The following RUVBL1 variants were observed in gnomAD, a reference collection of about 807,000 sequenced individuals.
The protein encoded by RUVBL1 is ruvB-like 1.
In RUVBL1, 4 loss-of-function variants were observed where a neutral mutation model predicts 52.4. The ratio of observed to expected loss-of-function variants is 0.08; its 90% CI spans 0.04 to 0.17. RUVBL1 has a LOEUF of 0.17. Ranked by LOEUF, RUVBL1 falls within the 10% of genes least tolerant of loss-of-function variation. The pLI is 1.00. For synonymous variants in RUVBL1, 217 were observed against 214.4 expected (o/e 1.01, Z -0.10); for missense variants, 298 against 572.8 (o/e 0.52, Z 4.90).
chr3:128,081,255 T>A lies in RUVBL1; in HGVS notation c.1366A>T (p.Lys456Ter). 6.2e-7 allele frequency: 1 copy of A among 1,613,950 alleles called. No individual in the cohort carries two copies. The highest frequency in any genetic ancestry group is 8.5e-7 in the Non-Finnish European group (1 of 1,179,886). The change falls in exon 11 of 11, where the codon AAG becomes TAG. Residue 456 changes from lysine (K) to a stop codon, truncating the protein, a stop_gained. Coordinates refer to ENST00000322623, the MANE Select transcript of RUVBL1 (RefSeq NM_003707.3). LOFTEE classifies it high-confidence loss of function. The surrounding 1 kb of genome is among the most constrained non-coding windows in gnomAD (Gnocchi z 4.8). ...TGCTGAAAACCTCAGCCATCTCACT[T>A]CATGTACTTATCCTGCTGGTCAGCC... ...ILADQQDKYM[K>*]
chr3:128,146,139 G>A (rs1230102385), intron 1 of RUVBL1, among the ~76,000 whole-genome samples: 2 of 152,194 alleles, frequency 1.3e-5, no homozygotes, highest in African/African-American at 2.4e-5. Context: ...TGGAGGAGGT[G>A]AGGGGTGAGC....
At chr3:128,135,891 C>T (rs1943940942) in intron 1 of RUVBL1, among the ~76,000 whole-genome samples, 1 of 152,116 alleles carries the variant, frequency 6.6e-6, no homozygotes, top group South Asian at 2.1e-4. Context: ...ATAATAACTA[C>T]AATAACTTTT....
rs1559798886 is a variant in RUVBL1 at position 128,067,370 on chromosome 3, C to G, written c.940-2150G>C. The G allele has an allele frequency of 6.4e-7, 1 of 1,561,702 alleles. No homozygotes were observed. The highest frequency in any genetic ancestry group is 8.7e-7 in the Non-Finnish European group (1 of 1,151,898). ...GCTCAGAACTATTTTTGCCTTGATG[C>G]TAAAGTAAAATGAAGGAGCACTCAC... On this transcript the variant is annotated intron_variant, in intron 9 of 9. Transcript: ENST00000464873. This position sits in a 1 kb window ranked among gnomAD's most constrained non-coding sequence, Gnocchi z 4.1.
chr3:128,127,802 GC>G (rs1434894196), upstream of RUVBL1, among the ~76,000 whole-genome samples: 3 of 152,166 alleles, frequency 2.0e-5, no homozygotes, highest in Admixed American at 2.0e-4. Flanking sequence ...TTCGAGACCA[GC>G]CTGGCCAACA....
chr3:128,140,590 T>C (rs1189328041), intron 1 of RUVBL1, among the ~76,000 whole-genome samples: 4 of 152,156 alleles, frequency 2.6e-5, no homozygotes, highest in Admixed American at 2.6e-4. Context: ...ATTGCCTTTT[T>C]AGTTTTCTTT....
At chr3:128,088,883 A>C (rs1342572643) in intron 8 of RUVBL1, among the ~76,000 whole-genome samples, 2 of 152,142 alleles carry the variant, frequency 1.3e-5, no homozygotes, top group African/African-American at 4.8e-5. Context: ...ATTTTTATTG[A>C]TATTTTGATA....
chr3:128,153,334 C>T (rs1437078142), exon 1 of RUVBL1: 7 of 1,372,326 alleles, frequency 5.1e-6, no homozygotes, highest in African/African-American at 1.5e-5. Flanking sequence ...ACCACCCACT[C>T]GGAGCACGGC....
At chr3:128,144,632 C>T (rs370954853) in intron 1 of RUVBL1, among the ~76,000 whole-genome samples, 2 of 152,156 alleles carry the variant, frequency 1.3e-5, no homozygotes, top group Admixed American at 1.3e-4. Flanking sequence ...CCAGGGCTAT[C>T]AAAGATATGC....
chr3:128,100,985 T>C (rs955414473), intron 5 of RUVBL1, among the ~76,000 whole-genome samples: 4 of 152,230 alleles, frequency 2.6e-5, no homozygotes, highest in Admixed American at 2.0e-4. Flanking sequence ...TTTTCCCTTC[T>C]TTCTTTTAAC....
chr3:128,083,982 G>T (rs1036779105), intron 9 of RUVBL1: 24 of 152,382 alleles, frequency 1.6e-4, no homozygotes, highest in Admixed American at 4.6e-4. Context: ...GGAGGCTGAG[G>T]CAGGAGAATT....
chr3:128,136,745 G>T (rs1051382264), intron 1 of RUVBL1, among the ~76,000 whole-genome samples: 1 of 150,926 alleles, frequency 6.6e-6, no homozygotes, highest in Non-Finnish European at 1.5e-5. Context: ...AACCAAAAAA[G>T]AGCAGGAGTA....
intron 1 of RUVBL1, among the ~76,000 whole-genome samples, chr3:128,121,353 C>T (rs977995383): frequency 1.3e-5 from 2 of 151,602 alleles, no homozygotes; most frequent in African/African-American, 2.4e-5. Context: ...GCCTTGGCCT[C>T]CCAAAGTGCT....
At chr3:128,152,447 A>T (rs995662702) in intron 1 of RUVBL1, among the ~76,000 whole-genome samples, 2 of 152,194 alleles carry the variant, frequency 1.3e-5, no homozygotes, top group Non-Finnish European at 2.9e-5. Flanking sequence ...ACCCACAGTT[A>T]GGTAGCTGTC....
upstream of RUVBL1, chr3:128,123,983 C>G: frequency 1.1e-6 from 1 of 918,496 alleles, no homozygotes; most frequent in Admixed American, 6.2e-5. Flanking sequence ...CGCTTCCTGC[C>G]GAGGCTGGGG....
chr3:128,065,275 T>C lies in RUVBL1; in HGVS notation c.940-55A>G, dbSNP rs13070488. ...TTCTAACGTAAGTGAAATCATGTTCTTCTGGGTTGGGCCTATCGACAGGTA... is the reference window on the plus strand; with the variant it reads ...TTCTAACGTAAGTGAAATCATGTTCCTCTGGGTTGGGCCTATCGACAGGTA... On this transcript the variant is annotated intron_variant, in intron 9 of 9. Coordinates refer to the RUVBL1 transcript ENST00000464873. 142,560 of 615,992 alleles carry C rather than the reference T, an allele frequency of 0.23. 17,426 individuals carry two copies. Among genetic ancestry groups the C allele is most frequent in the South Asian group, 0.26 (13,934 of 52,594 alleles). The allele number at this position is 615,992 out of a possible 1,614,324, so 38.2% of individuals were successfully genotyped here.
upstream of RUVBL1, chr3:128,123,888 C>T (rs1023418700): frequency 2.4e-6 from 3 of 1,265,030 alleles, no homozygotes; most frequent in African/African-American, 4.6e-5. Context: ...TCCATAGGCT[C>T]ACGGCTGCGC....
rs138439658 is a variant in RUVBL1 at position 128,093,166 on chromosome 3, A to G, written c.1016+4134T>C. ...TAAATATTCCATATAATAGAATACT[A>G]TTCAGCTGGAAAAAGAAATAAGTAC... is the stretch of plus-strand genomic sequence containing the variant. On this transcript the variant is annotated intron_variant, in intron 8 of 10. Coordinates refer to ENST00000322623, the MANE Select transcript of RUVBL1 (RefSeq NM_003707.3). Among the ~76,000 whole-genome samples the G allele has an allele frequency of 1.6e-3, 246 of 152,384 alleles. 1 individual carries two copies. Among genetic ancestry groups the G allele is most frequent in the African/African-American group, 5.5e-3 (228 of 41,596 alleles).
At chr3:128,145,634 G>C (rs1576491699) in intron 1 of RUVBL1, among the ~76,000 whole-genome samples, 1 of 152,056 alleles carries the variant, frequency 6.6e-6, no homozygotes, top group African/African-American at 2.4e-5. Flanking sequence ...GAGAAACGGA[G>C]AGGAGCATGG....
intron 8 of RUVBL1, among the ~76,000 whole-genome samples, chr3:128,088,426 T>C (rs1297613755): frequency 2.7e-5 from 4 of 148,588 alleles, no homozygotes; most frequent in African/African-American, 7.3e-5. Context: ...TAATATACAG[T>C]ATATACTATA....
Sources: gnomAD v4.1 joint callset for allele counts (sites outside exome capture counted in the v4.1 genomes callset) on GRCh38, gnomAD v4.1.1 for gene constraint, Gnocchi (gnomAD v3.1) non-coding constraint, MANE v1.5 for transcripts, NCBI Gene and HGNC (gene_info 2026-07-23, HGNC 2026-07-21) for gene names.